KLHL20: variants seen among roughly 807,000 people sequenced by gnomAD.
KLHL20 encodes kelch-like protein 20.
A neutral mutation model predicts 69.5 loss-of-function variants in KLHL20; 29 were observed. That is an observed-to-expected ratio of 0.42 (90% CI 0.31 to 0.57). The LOEUF (loss-of-function observed/expected upper bound fraction) is 0.57, where lower values mean the gene tolerates loss of function less well. Ranked by LOEUF, KLHL20 falls within the 20% of genes least tolerant of loss-of-function variation. KLHL20 has a pLI of 0.18. For synonymous variants in KLHL20, 253 were observed against 265.2 expected, an observed-to-expected ratio of 0.95 and a Z score of 0.45; for missense variants, 419 against 776.0, an observed-to-expected ratio of 0.54 and a Z score of 5.47.
At chr1:173,737,711 A>C (rs1672601220) in intron 3 of KLHL20, among the ~76,000 whole-genome samples, 1 of 152,194 alleles carries the variant, frequency 6.6e-6, no homozygotes. Flanking sequence ...TTTTGGTTCC[A>C]TATGAATTTT....
rs183448241 is a variant in KLHL20, at chr1:173,731,539, A to G, written c.24-2174A>G. 3.9e-5 allele frequency among the ~76,000 whole-genome samples: 6 copies of G among 152,320 alleles called. No homozygotes were observed. The East Asian group carries it at 1.2e-3, about 29-fold the overall frequency. On this transcript the variant is annotated intron_variant, in intron 2 of 11. Transcript: ENST00000209884. Reference sequence around the variant, plus strand: ...ACACCATGGAATACTATGCAGCCATAAAAAATGATGATTTCATGTCCTTTG... The same window carrying G: ...ACACCATGGAATACTATGCAGCCATGAAAAATGATGATTTCATGTCCTTTG...
At chr1:173,724,004 A>G (rs1671832724) in intron 2 of KLHL20, among the ~76,000 whole-genome samples, 1 of 152,106 alleles carries the variant, frequency 6.6e-6, no homozygotes, top group Non-Finnish European at 1.5e-5. Context: ...TTTAAGCTTT[A>G]TTGAGGTATA....
chr1:173,754,968 G>A lies in KLHL20; in HGVS notation c.852-955G>A, dbSNP rs1278941323. On this transcript the variant is annotated intron_variant, in intron 5 of 11. Coordinates refer to ENST00000209884, the MANE Select transcript of KLHL20 (RefSeq NM_014458.4). Reference sequence around the variant, plus strand: ...AAGTGTTGTTACTACCATTAATTTTGTGTTGGTTTGCTCAATATTATAGCT... The same window carrying A: ...AAGTGTTGTTACTACCATTAATTTTATGTTGGTTTGCTCAATATTATAGCT... Among the ~76,000 whole-genome samples the A allele has an allele frequency of 3.3e-5, 5 of 151,748 alleles. No individual in the cohort carries two copies. The East Asian group carries it at 9.6e-4, about 29-fold the overall frequency.
chr1:173,785,300 C>T lies in KLHL20; in HGVS notation c.*53C>T, dbSNP rs368130364. 1.1e-5 allele frequency: 14 copies of T among 1,313,532 alleles called. No individual in the cohort carries two copies. In the African/African-American group the frequency reaches 1.4e-4, roughly 13 times the overall value. The allele number at this position is 1,313,532 out of a possible 1,614,324, so 81.4% of individuals were successfully genotyped here. A position where few individuals can be genotyped will look rare whatever the true frequency, so the allele number is the denominator to read the frequency against. On this transcript the variant is annotated 3_prime_UTR_variant, in exon 12 of 12. Coordinates refer to ENST00000209884, the MANE Select transcript of KLHL20 (RefSeq NM_014458.4). ...TCCTCTGTATTCTGGGGAGCTTTGA[C>T]CTTGGAGCTTTGTACAGCTTGAGAA...
chr1:173,785,329 A>G lies in KLHL20; in HGVS notation c.*82A>G. On this transcript the variant is annotated 3_prime_UTR_variant, in exon 12 of 12. Coordinates refer to ENST00000209884, the MANE Select transcript of KLHL20 (RefSeq NM_014458.4). ...GGAGCTTTGTACAGCTTGAGAAAAC[A>G]TTAGAACAAATTTTATTATTTGCCG... is the stretch of plus-strand genomic sequence containing the variant. 2.3e-6 allele frequency: 2 copies of G among 861,064 alleles called. No homozygotes were observed. The highest frequency in any genetic ancestry group is 3.4e-6 in the Non-Finnish European group (2 of 585,664). 53.3% of individuals were successfully genotyped at this position (861,064 alleles called of 1,614,324 possible). A position where few individuals can be genotyped will look rare whatever the true frequency, so the allele number is the denominator to read the frequency against.
chr1:173,734,156 C>G lies in KLHL20; in HGVS notation c.467C>G (p.Ala156Gly). Residue 156 changes from alanine (A) to glycine (G), a missense_variant, in exon 3 of 12, where the codon GCC (alanine) becomes GGC (glycine). Coordinates refer to ENST00000209884, the MANE Select transcript of KLHL20 (RefSeq NM_014458.4). The part of the protein sequence containing the change: ...CLLQLAEIQE[A>G]CCEFLKRQLD... ...CTCCAGCTGGCAGAAATACAGGAAG[C>G]CTGCTGTGAATTCTTAAAGAGACAA... is the stretch of plus-strand genomic sequence containing the variant. 2 of 1,614,188 alleles carry G rather than the reference C, an allele frequency of 1.2e-6. No individual in the cohort carries two copies. Among genetic ancestry groups the G allele is most frequent in the Non-Finnish European group, 1.7e-6 (2 of 1,180,034 alleles).
chr1:173,732,145 C>A (rs1362265742), intron 2 of KLHL20, among the ~76,000 whole-genome samples: 1 of 151,334 alleles, frequency 6.6e-6, no homozygotes. Flanking sequence ...TGCAGTGAGC[C>A]GAGATTGCGC....
At chr1:173,759,296 C>T (rs1330438455) in intron 7 of KLHL20, among the ~76,000 whole-genome samples, 1 of 152,128 alleles carries the variant, frequency 6.6e-6, no homozygotes, top group Admixed American at 6.6e-5. Context: ...CTTCCCTGTC[C>T]ACCCTGGTAG....
rs1226878707 is a variant in KLHL20 at position 173,769,066 on chromosome 1, ATC to A, written c.1295+2779_1295+2780del. ...GTGTAAGTGCAAGACCCTCAATAAG[ATC>A]TAAAGGGCTTAGAAGAGGGTTTCTC... On this transcript the variant is annotated intron_variant, in intron 8 of 11. Coordinates refer to ENST00000209884, the MANE Select transcript of KLHL20 (RefSeq NM_014458.4). Among the ~76,000 whole-genome samples the A allele has an allele frequency of 2.0e-5, 3 of 152,166 alleles. No homozygotes were observed. In the East Asian group the frequency reaches 5.8e-4, roughly 29 times the overall value.
At chr1:173,724,696 T>C (rs1180822567) in intron 2 of KLHL20, among the ~76,000 whole-genome samples, 1 of 152,160 alleles carries the variant, frequency 6.6e-6, no homozygotes, top group Non-Finnish European at 1.5e-5. Context: ...TCCCAGCTAC[T>C]TAGGGGGCTG....
At chr1:173,715,787 T>C (rs941464487) in intron 1 of KLHL20, 1 of 465,660 alleles carries the variant, frequency 2.1e-6, no homozygotes, top group South Asian at 4.5e-5. Flanking sequence ...TAGCATACTT[T>C]CCCTCACCTT....
chr1:173,733,619 C>A, intron 2 of KLHL20, 94 bp from the exon 3 acceptor site: 2 of 1,093,464 alleles, frequency 1.8e-6, no homozygotes, highest in Non-Finnish European at 2.6e-6. Context: ...AAGCTAATTA[C>A]ATTTCCTTAT....
At chr1:173,716,179 GTC>G (rs1401334751) in intron 2 of KLHL20, 113 bp downstream of exon 2, 1 of 882,726 alleles carries the variant, frequency 1.1e-6, no homozygotes, top group African/African-American at 1.7e-5. Context: ...GAACTAATGA[GTC>G]TTGTTCTACA....
At chr1:173,746,044 G>T (rs1330825980) in intron 3 of KLHL20, among the ~76,000 whole-genome samples, 1 of 151,858 alleles carries the variant, frequency 6.6e-6, no homozygotes, top group Non-Finnish European at 1.5e-5. Flanking sequence ...TTTTGTCAAA[G>T]ACTTTTTCAG....
intron 2 of KLHL20, among the ~76,000 whole-genome samples, chr1:173,723,326 T>C (rs1671802566): frequency 1.3e-5 from 2 of 152,254 alleles, no homozygotes; most frequent in Admixed American, 6.5e-5. Flanking sequence ...TAAAAATTAT[T>C]CTTTAACTGC....
In KLHL20 at chr1:173,732,970, TA is replaced by T. The variant is rs951231932; in HGVS notation, c.24-741del. 1.0e-3 allele frequency among the ~76,000 whole-genome samples: 157 copies of T among 151,916 alleles called. No homozygotes were observed. In the Middle Eastern group the frequency reaches 0.034, roughly 33 times the overall value. Reference sequence around the variant, plus strand: ...GCCATTTTCTTTACTATTTTAATTTTAATAAACTTTGAAGAAAAGATTTCTA... The same window carrying T: ...GCCATTTTCTTTACTATTTTAATTTTATAAACTTTGAAGAAAAGATTTCTA... On this transcript the variant is annotated intron_variant, in intron 2 of 11. Coordinates refer to ENST00000209884, the MANE Select transcript of KLHL20 (RefSeq NM_014458.4).
At chr1:173,735,217 G>A (rs935398096) in intron 3 of KLHL20, among the ~76,000 whole-genome samples, 6 of 152,126 alleles carry the variant, frequency 3.9e-5, no homozygotes, top group Non-Finnish European at 5.9e-5. Flanking sequence ...AGGCTGAGGC[G>A]GGCAGATTGC....
At chr1:173,736,147 A>T (rs1191534672) in intron 3 of KLHL20, among the ~76,000 whole-genome samples, 1 of 151,916 alleles carries the variant, frequency 6.6e-6, no homozygotes, top group Non-Finnish European at 1.5e-5. Context: ...GGGTTTCACC[A>T]TGTTGGCCAG....
At chr1:173,748,863 C>T (rs1673185411) in intron 3 of KLHL20, among the ~76,000 whole-genome samples, 1 of 152,068 alleles carries the variant, frequency 6.6e-6, no homozygotes, top group Non-Finnish European at 1.5e-5. Flanking sequence ...TATCAGAACT[C>T]ATTGAGCTAT....
Sources: allele counts gnomAD v4.1 joint callset (sites outside exome capture counted in the v4.1 genomes callset), GRCh38; gene constraint gnomAD v4.1.1; transcripts MANE v1.5; gene names NCBI Gene and HGNC (gene_info 2026-07-23, HGNC 2026-07-21).